PDE4B: variants seen among roughly 807,000 people sequenced by gnomAD.
The protein encoded by PDE4B is 3',5'-cyclic-AMP phosphodiesterase 4B.
PDE4B carries 20 observed loss-of-function variants against 82.2 expected under a neutral mutation model. That is an observed-to-expected ratio of 0.24 (90% confidence interval 0.17 to 0.35). PDE4B has a LOEUF of 0.35. Among genes scored for constraint, PDE4B ranks in the 10% least tolerant of loss-of-function variants. PDE4B has a pLI of 1.00. For missense variants in PDE4B, 655 were observed against 907.2 expected (o/e 0.72, Z 3.57); for synonymous variants, 320 against 318.9 (o/e 1.00, Z -0.04).
At chr1:66,071,302 A>G (rs995404871) in intron 3 of PDE4B, among the ~76,000 whole-genome samples, 20 of 152,124 alleles carry the variant, frequency 1.3e-4, no homozygotes, top group African/African-American at 4.3e-4. Flanking sequence ...ACTATTAAAG[A>G]CAATATATCT....
At chr1:66,034,799 G>T (rs1653979331) in intron 3 of PDE4B, among the ~76,000 whole-genome samples, 1 of 152,114 alleles carries the variant, frequency 6.6e-6, no homozygotes, top group African/African-American at 2.4e-5. Flanking sequence ...GGCTCTGTCT[G>T]CCCTGACTTT....
intron 7 of PDE4B, among the ~76,000 whole-genome samples, chr1:66,329,805 G>A (rs1659983856): frequency 6.6e-6 from 1 of 152,212 alleles, no homozygotes; most frequent in Non-Finnish European, 1.5e-5. Flanking sequence ...AGAAGAGAAA[G>A]TCAATATTCA....
intron 7 of PDE4B, among the ~76,000 whole-genome samples, chr1:66,325,201 A>G (rs1557701385): frequency 6.6e-6 from 1 of 152,224 alleles, no homozygotes. Context: ...AGACATCTAC[A>G]GGGCTAGAAG....
chr1:66,080,879 A>G (rs1311333148), intron 3 of PDE4B, among the ~76,000 whole-genome samples: 1 of 151,926 alleles, frequency 6.6e-6, no homozygotes, highest in Non-Finnish European at 1.5e-5. Context: ...CCCAATAGGT[A>G]GTTTTTCAGC....
chr1:65,894,430 GA>G (rs1439095036), intron 1 of PDE4B, among the ~76,000 whole-genome samples: 3 of 152,018 alleles, frequency 2.0e-5, no homozygotes, highest in Non-Finnish European at 4.4e-5. Flanking sequence ...ATAACTTCTA[GA>G]AGGAAATATA....
chr1:66,363,192 G>A lies in PDE4B; in HGVS notation c.1045G>A (p.Gly349Ser), dbSNP rs1396000316. 6.2e-7 allele frequency: 1 copy of A among 1,611,458 alleles called. No homozygotes were observed. The highest frequency in any genetic ancestry group is 1.3e-5 in the African/African-American group (1 of 74,748). The change falls in exon 11 of 17, where the codon GGT (glycine) becomes AGT (serine). Residue 349 changes from glycine to serine, a missense_variant. Gly to Ser is a moderately conservative substitution (Grantham distance 56). Transcript: ENST00000341517. ...GGAGCTGGAAGACCTGAACAAATGG[G>A]GTCTTAACATCTTTAATGTGGCTGG... is the stretch of plus-strand genomic sequence containing the variant. ...AKELEDLNKW[G>S]LNIFNVAGYS...
Position 65,893,399 on chromosome 1 carries a change from C to T in PDE4B, c.-70-19846C>T, listed in dbSNP as rs757284559. 6.6e-5 allele frequency among the ~76,000 whole-genome samples: 10 copies of T among 151,744 alleles called. 1 individual carries two copies. The highest frequency in any genetic ancestry group is 2.1e-4 in the South Asian group (1 of 4,810). ...AATGCTCAACATCACTAATCATCAG[C>T]GAAATGCAAATTAAACCCACAATGA... is the stretch of plus-strand genomic sequence containing the variant. On this transcript the variant is annotated intron_variant, in intron 1 of 16. Transcript: ENST00000341517.
chr1:65,915,404 A>C (rs1557429723), intron 2 of PDE4B, among the ~76,000 whole-genome samples: 1 of 152,162 alleles, frequency 6.6e-6, no homozygotes, highest in Non-Finnish European at 1.5e-5. Flanking sequence ...CTGATTTCAT[A>C]AGACTTAAAA....
chr1:66,011,223 CAAAAAA>C (rs11372306), intron 3 of PDE4B, among the ~76,000 whole-genome samples: 1 of 133,778 alleles, frequency 7.5e-6, no homozygotes, highest in Non-Finnish European at 1.6e-5. Flanking sequence ...ATTCATCTGC[CAAAAAA>C]AAAAAAAAAA....
chr1:66,156,693 G>A (rs181851744), intron 3 of PDE4B, among the ~76,000 whole-genome samples: 311 of 152,074 alleles, frequency 2.0e-3, no homozygotes, highest in Non-Finnish European at 3.6e-3. Flanking sequence ...ACATTCTTGC[G>A]TCAGTCAAGT....
chr1:65,995,615 C>G (rs1185744495), intron 3 of PDE4B, among the ~76,000 whole-genome samples: 3 of 152,014 alleles, frequency 2.0e-5, no homozygotes, highest in Non-Finnish European at 4.4e-5. Context: ...ATTTCATGTG[C>G]TTTTTTACAT....
chr1:65,831,919 A>G (rs957709353), intron 1 of PDE4B, among the ~76,000 whole-genome samples: 8 of 152,200 alleles, frequency 5.3e-5, no homozygotes, highest in African/African-American at 1.9e-4. Flanking sequence ...TGTATGTTAG[A>G]ACATATATCG....
intron 1 of PDE4B, among the ~76,000 whole-genome samples, chr1:65,866,831 T>C (rs1452659188): frequency 6.6e-6 from 1 of 152,206 alleles, no homozygotes. Context: ...CAGGGAATAT[T>C]GGCATATTGA....
intron 3 of PDE4B, among the ~76,000 whole-genome samples, chr1:66,137,692 G>T (rs1311009243): frequency 6.6e-6 from 1 of 152,148 alleles, no homozygotes; most frequent in Non-Finnish European, 1.5e-5. Flanking sequence ...ACAGTCTCAA[G>T]AAATTCTTAT....
Position 65,841,021 on chromosome 1 carries a change from G to T in PDE4B, c.-71+47773G>T, listed in dbSNP as rs75997208. 5.1e-3 allele frequency among the ~76,000 whole-genome samples: 773 copies of T among 152,294 alleles called. 9 individuals carry two copies. Among genetic ancestry groups the T allele is most frequent in the African/African-American group, 0.018 (729 of 41,560 alleles). On this transcript the variant is annotated intron_variant, in intron 1 of 16. Transcript: ENST00000341517. ...TGAAATCATTGTACTTAGAGGCCAGGCACGGTTGTTTACACCGGTAATCCC... is the reference window on the plus strand; with the variant it reads ...TGAAATCATTGTACTTAGAGGCCAGTCACGGTTGTTTACACCGGTAATCCC...
chr1:65,960,228 G>C (rs976684248), intron 3 of PDE4B, among the ~76,000 whole-genome samples: 1 of 152,126 alleles, frequency 6.6e-6, no homozygotes, highest in East Asian at 1.9e-4. Context: ...CGGTGACTGA[G>C]AAGGAAGTAT....
intron 3 of PDE4B, among the ~76,000 whole-genome samples, chr1:66,192,239 A>G (rs1267133216): frequency 1.3e-5 from 2 of 152,010 alleles, no homozygotes; most frequent in African/African-American, 2.4e-5. Flanking sequence ...GATCCTTTCT[A>G]CCCAACTGAA....
chr1:66,276,043 C>G (rs1470922815), intron 7 of PDE4B, among the ~76,000 whole-genome samples: 1 of 152,176 alleles, frequency 6.6e-6, no homozygotes, highest in Non-Finnish European at 1.5e-5. Flanking sequence ...TCTGCCCCCT[C>G]AGTTGTATTT....
intron 3 of PDE4B, among the ~76,000 whole-genome samples, chr1:66,034,431 G>T (rs1408878167): frequency 6.6e-6 from 1 of 152,148 alleles, no homozygotes; most frequent in East Asian, 1.9e-4. Flanking sequence ...TTATTTTAAT[G>T]TTATAGACAG....
Sources: gnomAD v4.1 joint callset for allele counts (sites outside exome capture counted in the v4.1 genomes callset) on GRCh38, gnomAD v4.1.1 for gene constraint, MANE v1.5 for transcripts, NCBI Gene and HGNC (gene_info 2026-07-23, HGNC 2026-07-21) for gene names.